Variants in CBLB observed in about 807,000 individuals in gnomAD.
CBLB encodes E3 ubiquitin-protein ligase CBL-B.
CBLB carries 31 observed loss-of-function variants against 104.9 expected under a neutral mutation model. The ratio of observed to expected loss-of-function variants is 0.30; its 90% CI spans 0.22 to 0.40. The LOEUF is 0.40. Among genes scored for constraint, CBLB ranks in the 10% least tolerant of loss-of-function variants. The pLI, the probability that CBLB is intolerant of heterozygous loss-of-function variation, is 1.00. For synonymous variants in CBLB, 440 were observed against 422.6 expected (o/e 1.04, Z -0.51); for missense variants, 1,062 against 1,214.6 (o/e 0.87, Z 1.87).
intron 10 of CBLB, among the ~76,000 whole-genome samples, chr3:105,710,764 C>A (rs2070949193): frequency 2.0e-5 from 3 of 151,886 alleles, no homozygotes; most frequent in African/African-American, 7.2e-5. Context: ...ACATTGGATT[C>A]TTTTACGTCT....
chr3:105,737,802 CA>C (rs2075115839), intron 7 of CBLB, among the ~76,000 whole-genome samples: 1 of 152,164 alleles, frequency 6.6e-6, no homozygotes, highest in African/African-American at 2.4e-5. Flanking sequence ...CACATGTGCA[CA>C]TATGCAAACA....
intron 3 of CBLB, among the ~76,000 whole-genome samples, chr3:105,800,104 G>A (rs12486371): frequency 0.097 from 14,812 of 152,108 alleles, 797 homozygotes; most frequent in Admixed American, 0.13. Context: ...TCTTGGACAA[G>A]TCACCTAATC....
chr3:105,665,440 TATACAC>T lies in CBLB; in HGVS notation c.2689+4787_2689+4792del, dbSNP rs201274300. On this transcript the variant is annotated intron_variant, in intron 18 of 18. Coordinates refer to ENST00000394030, the MANE Select transcript of CBLB (RefSeq NM_170662.5). Reference sequence around the variant, plus strand: ...AAATATATATATATATATATATATATATACACACACACACACATATATATACACACA... The same window carrying T: ...AAATATATATATATATATATATATATACACACACACATATATATACACACA... 6.7e-3 allele frequency among the ~76,000 whole-genome samples: 478 copies of T among 70,840 alleles called. 1 individual carries two copies. Among genetic ancestry groups the T allele is most frequent in the African/African-American group, 0.017 (387 of 23,238 alleles). 46.5% of individuals were successfully genotyped at this position (70,840 alleles called of 152,430 possible). A position where few individuals can be genotyped will look rare whatever the true frequency, so the allele number is the denominator to read the frequency against.
chr3:105,822,207 C>T (rs2085967298), intron 3 of CBLB, among the ~76,000 whole-genome samples: 1 of 152,044 alleles, frequency 6.6e-6, no homozygotes, highest in Non-Finnish European at 1.5e-5. Flanking sequence ...ACAAATTACA[C>T]TTTTGAATGG....
At chr3:105,773,501 C>A (rs557333349) in intron 4 of CBLB, among the ~76,000 whole-genome samples, 3 of 152,298 alleles carry the variant, frequency 2.0e-5, no homozygotes, top group African/African-American at 7.2e-5. Flanking sequence ...CAATCAATCA[C>A]TTTTCTCAAT....
At chr3:105,737,808 C>T (rs963286365) in intron 7 of CBLB, among the ~76,000 whole-genome samples, 3 of 152,094 alleles carry the variant, frequency 2.0e-5, no homozygotes, top group African/African-American at 4.8e-5. Flanking sequence ...TGCACATATG[C>T]AAACACACAG....
intron 2 of CBLB, among the ~76,000 whole-genome samples, chr3:105,861,337 T>C (rs143201397): frequency 1.3e-3 from 201 of 152,310 alleles, no homozygotes; most frequent in Non-Finnish European, 2.1e-3. Flanking sequence ...AAAATACATA[T>C]ATTGCATATT....
At chr3:105,691,543 T>C (rs1270774988) in intron 13 of CBLB, among the ~76,000 whole-genome samples, 3 of 152,246 alleles carry the variant, frequency 2.0e-5, no homozygotes, top group African/African-American at 7.2e-5. Flanking sequence ...ATAAACAGAA[T>C]GTGAACATTT....
At chr3:105,827,151 G>C (rs914795492) in intron 3 of CBLB, among the ~76,000 whole-genome samples, 1 of 152,098 alleles carries the variant, frequency 6.6e-6, no homozygotes, top group Non-Finnish European at 1.5e-5. Flanking sequence ...GGCAAAGGTA[G>C]GGTATTTCAA....
At chr3:105,827,199 C>G (rs1346461582) in intron 3 of CBLB, among the ~76,000 whole-genome samples, 1 of 149,614 alleles carries the variant, frequency 6.7e-6, no homozygotes, top group African/African-American at 2.5e-5. Context: ...GAACCAAATG[C>G]TGTCATTCAG....
intron 4 of CBLB, among the ~76,000 whole-genome samples, chr3:105,770,980 T>C (rs1385410494): frequency 6.6e-6 from 1 of 152,074 alleles, no homozygotes; most frequent in African/African-American, 2.4e-5. Context: ...CAAAGACAAA[T>C]TGGTACTAAT....
At chr3:105,669,404 A>C (rs1258674853) in intron 18 of CBLB, among the ~76,000 whole-genome samples, 1 of 152,140 alleles carries the variant, frequency 6.6e-6, no homozygotes, top group Admixed American at 6.6e-5. Flanking sequence ...CTCACTAGAC[A>C]CTGAATGTTG....
intron 3 of CBLB, among the ~76,000 whole-genome samples, chr3:105,790,463 T>C (rs1013886192): frequency 3.4e-4 from 52 of 152,380 alleles, no homozygotes; most frequent in African/African-American, 1.1e-3. Context: ...TCAACATATA[T>C]GGAGTTCCAT....
At chr3:105,784,671 A>C (rs918255900) in intron 3 of CBLB, among the ~76,000 whole-genome samples, 2 of 152,204 alleles carry the variant, frequency 1.3e-5, no homozygotes, top group African/African-American at 4.8e-5. Flanking sequence ...AAAAAGACAT[A>C]ATTGATCAGT....
At chr3:105,845,740 T>C (rs1418999853) in intron 3 of CBLB, among the ~76,000 whole-genome samples, 7 of 152,100 alleles carry the variant, frequency 4.6e-5, no homozygotes. Context: ...TTGAAAACAT[T>C]TGTCTAAATA....
In CBLB at chr3:105,701,037, C is replaced by G. The variant is rs189527749; in HGVS notation, c.1959+1057G>C. On this transcript the variant is annotated intron_variant, in intron 12 of 18. Transcript: ENST00000394030. The stretch of plus-strand genomic sequence containing the variant: ...TCAGAAGAGCCAAGGCCTCCATCAG[C>G]AGAGGGAAGATGGCAAGGATCTAAT... Among the ~76,000 whole-genome samples, 358 of 152,294 alleles carry G rather than the reference C, an allele frequency of 2.4e-3. 2 individuals carry two copies. The highest frequency in any genetic ancestry group is 8.4e-3 in the African/African-American group (350 of 41,564).
At chr3:105,794,370 A>G (rs2082023407) in intron 3 of CBLB, among the ~76,000 whole-genome samples, 1 of 152,252 alleles carries the variant, frequency 6.6e-6, no homozygotes, top group Admixed American at 6.5e-5. Flanking sequence ...ACTGTAAAAA[A>G]GATACAATCT....
intron 9 of CBLB, among the ~76,000 whole-genome samples, chr3:105,729,949 C>T (rs1179089228): frequency 6.6e-6 from 1 of 152,032 alleles, no homozygotes; most frequent in African/African-American, 2.4e-5. Context: ...TACGTGAAGA[C>T]TGTATCTAAA....
chr3:105,739,939 C>T (rs911063882), intron 7 of CBLB, among the ~76,000 whole-genome samples: 1 of 152,074 alleles, frequency 6.6e-6, no homozygotes, highest in Non-Finnish European at 1.5e-5. Flanking sequence ...CCCGTCTCTA[C>T]TAAAATACAA....
Sources: allele counts gnomAD v4.1 joint callset (sites outside exome capture counted in the v4.1 genomes callset), GRCh38; gene constraint gnomAD v4.1.1; transcripts MANE v1.5; gene names NCBI Gene and HGNC (gene_info 2026-07-23, HGNC 2026-07-21).